ZNF823: variants seen among roughly 807,000 people sequenced by gnomAD.
The protein encoded by ZNF823 is zinc finger protein 823.
A neutral mutation model predicts 11.4 loss-of-function variants in ZNF823; 5 were observed. The ratio of observed to expected loss-of-function variants is 0.44; its 90% confidence interval spans 0.23 to 0.92. The LOEUF (loss-of-function observed/expected upper bound fraction) is 0.92, where lower values mean the gene tolerates loss of function less well. Among genes scored for constraint, ZNF823 ranks in the 40% least tolerant of loss-of-function variants. The pLI is 0.24. For synonymous variants in ZNF823, 234 were observed against 250.5 expected (o/e 0.93, Z 0.62); for missense variants, 582 against 738.5 (o/e 0.79, Z 2.46).
intron 1 of ZNF823, 90 bp downstream of exon 1, chr19:11,738,727 A>G (rs966915487): frequency 2.7e-6 from 4 of 1,471,654 alleles, no homozygotes; most frequent in African/African-American, 1.4e-5. Flanking sequence ...GGAGTCGCCC[A>G]GGGCGAGGCC....
In ZNF823 at chr19:11,721,554, C is replaced by A; in HGVS notation, c.*147G>T. The A allele has an allele frequency of 1.3e-6, 1 of 772,180 alleles. No individual in the cohort carries two copies. Among genetic ancestry groups the A allele is most frequent in the Non-Finnish European group, 2.0e-6 (1 of 494,494 alleles). The allele number at this position is 772,180 out of a possible 1,614,324, so 47.8% of individuals were successfully genotyped here. A position where few individuals can be genotyped will look rare whatever the true frequency, so the allele number is the denominator to read the frequency against. On this transcript the variant is annotated 3_prime_UTR_variant, in exon 4 of 4. Coordinates refer to ENST00000341191, the MANE Select transcript of ZNF823 (RefSeq NM_001080493.4). ...AGAGGGTGCTGGAACCAATCCCCTGCAATATATTGGGGGATAACTGTATTT... is the reference window on the plus strand; with the variant it reads ...AGAGGGTGCTGGAACCAATCCCCTGAAATATATTGGGGGATAACTGTATTT...
At chr19:11,737,099 T>C (rs1407954832) in intron 1 of ZNF823, among the ~76,000 whole-genome samples, 1 of 152,106 alleles carries the variant, frequency 6.6e-6, no homozygotes, top group East Asian at 1.9e-4. Context: ...GCTATGAGCA[T>C]CTTGGAGCAG....
rs552305325 is a variant in ZNF823, at chr19:11,733,503, T to A, written c.3+5314A>T. Among the ~76,000 whole-genome samples, 18 of 151,406 alleles carry A rather than the reference T, an allele frequency of 1.2e-4. 1 individual carries two copies. In the South Asian group the frequency reaches 3.8e-3, roughly 32 times the overall value. ...ATCATCTGAGGTCAGGAGTTCAAGA[T>A]CAGCCTGGGCAACATGGCGAAACTG... On this transcript the variant is annotated intron_variant, in intron 1 of 3. Coordinates refer to ENST00000341191, the MANE Select transcript of ZNF823 (RefSeq NM_001080493.4).
chr19:11,731,443 C>T (rs1057038453), intron 1 of ZNF823, among the ~76,000 whole-genome samples: 2 of 152,150 alleles, frequency 1.3e-5, no homozygotes, highest in African/African-American at 4.8e-5. Flanking sequence ...TACTGAATAA[C>T]AGTCAGTCGG....
intron 1 of ZNF823, among the ~76,000 whole-genome samples, chr19:11,731,944 G>T (rs1487990598): frequency 6.6e-6 from 1 of 150,976 alleles, no homozygotes; most frequent in Non-Finnish European, 1.5e-5. Flanking sequence ...GTGAGGCAGA[G>T]GTTGCGATGA....
intron 2 of ZNF823, among the ~76,000 whole-genome samples, 180 bp downstream of exon 2, chr19:11,725,021 G>A (rs1402289535): frequency 1.3e-5 from 2 of 152,116 alleles, no homozygotes; most frequent in Non-Finnish European, 2.9e-5. Context: ...TGGTTAAGTT[G>A]CGGGGGACAA....
intron 1 of ZNF823, among the ~76,000 whole-genome samples, chr19:11,733,260 A>G (rs1974933992): frequency 6.6e-6 from 1 of 150,584 alleles, no homozygotes; most frequent in Non-Finnish European, 1.5e-5. Flanking sequence ...CCAGCTACTC[A>G]GGAGACTGAG....
chr19:11,729,174 CAAA>C (rs61651737), intron 1 of ZNF823, among the ~76,000 whole-genome samples: 3 of 131,222 alleles, frequency 2.3e-5, no homozygotes. Context: ...GACTCTGTCT[CAAA>C]AAAAAAAAAA....
chr19:11,733,161 G>T (rs556338921), intron 1 of ZNF823, among the ~76,000 whole-genome samples: 1 of 152,066 alleles, frequency 6.6e-6, no homozygotes, highest in African/African-American at 2.4e-5. Flanking sequence ...GAGGTCAAGA[G>T]ATCAAGACCA....
chr19:11,738,672 A>T (rs1975040932), intron 1 of ZNF823, 145 bp downstream of exon 1: 2 of 1,115,018 alleles, frequency 1.8e-6, no homozygotes, highest in Non-Finnish European at 2.4e-6. Flanking sequence ...GGCCCAGGGG[A>T]CCAAGGGCAG....
intron 1 of ZNF823, chr19:11,730,871 G>C (rs530135033): frequency 6.6e-6 from 1 of 152,112 alleles, no homozygotes; most frequent in Admixed American, 6.6e-5. Context: ...CAAAAACAAA[G>C]ATGACATTGT....
chr19:11,732,393 C>T (rs1421731689), intron 1 of ZNF823, among the ~76,000 whole-genome samples: 2 of 151,928 alleles, frequency 1.3e-5, no homozygotes, highest in East Asian at 3.9e-4. Flanking sequence ...TCTCGATCTC[C>T]AGACCTCATG....
intron 2 of ZNF823, among the ~76,000 whole-genome samples, chr19:11,724,496 G>A (rs747795894): frequency 2.0e-5 from 3 of 151,738 alleles, no homozygotes; most frequent in Non-Finnish European, 4.4e-5. Flanking sequence ...AGACAACAAG[G>A]GTGAAAACCT....
At chr19:11,727,892 C>CTTTT (rs60028045) in intron 1 of ZNF823, among the ~76,000 whole-genome samples, 3 of 145,914 alleles carry the variant, frequency 2.1e-5, no homozygotes, top group African/African-American at 7.5e-5. Flanking sequence ...TTCTTTCTTT[C>CTTTT]TTTTTTTTTT....
intron 2 of ZNF823, among the ~76,000 whole-genome samples, chr19:11,724,519 A>C (rs2145205640): frequency 6.7e-6 from 1 of 150,214 alleles, no homozygotes; most frequent in South Asian, 2.1e-4. Flanking sequence ...ATGAAGATCT[A>C]CTTCCACTTA....
rs780356720 is a variant in ZNF823 at position 11,722,192 on chromosome 19, A to G, written c.1342T>C (p.Cys448Arg). 1 of 1,613,914 alleles carries G rather than the reference A, an allele frequency of 6.2e-7. No homozygotes were observed. Among genetic ancestry groups the G allele is most frequent in the South Asian group, 1.1e-5 (1 of 91,070 alleles). ...GAGAGATCACTAAAGGCTTTCCCACACTGACATTTATAGGGTTTCACTCCA... is the reference window on the plus strand; with the variant it reads ...GAGAGATCACTAAAGGCTTTCCCACGCTGACATTTATAGGGTTTCACTCCA... ...HTGVKPYKCQ[C>R]GKAFSDLSSF... is the part of the protein sequence containing the mutation. Residue 448 changes from cysteine to arginine, a missense_variant, in exon 4 of 4, where the codon TGT becomes CGT. This residue lies in a region of ZNF823 where 429 missense variants were observed against 553.7 expected (regional missense o/e 0.77). Coordinates refer to ENST00000341191, the MANE Select transcript of ZNF823 (RefSeq NM_001080493.4). This position sits in a 1 kb window ranked among gnomAD's most constrained non-coding sequence, Gnocchi z 5.2.
At chr19:11,724,333 A>G (rs1293144416) in intron 2 of ZNF823, 79 bp from the exon 3 acceptor site, 8 of 1,272,898 alleles carry the variant, frequency 6.3e-6, no homozygotes, top group Non-Finnish European at 4.3e-6. Flanking sequence ...GCGTACTGCA[A>G]TCATGCATGA....
At chr19:11,726,602 T>G (rs1041793478) in intron 1 of ZNF823, among the ~76,000 whole-genome samples, 2 of 152,114 alleles carry the variant, frequency 1.3e-5, no homozygotes, top group Non-Finnish European at 2.9e-5. Context: ...GAATTAACAC[T>G]GGGCCCCTGG....
At chr19:11,724,333 AT>A in intron 2 of ZNF823, 79 bp from the exon 3 acceptor site, 1 of 1,273,018 alleles carries the variant, frequency 7.9e-7, no homozygotes, top group Non-Finnish European at 1.1e-6. Flanking sequence ...GCGTACTGCA[AT>A]CATGCATGAT....
Sources: gnomAD v4.1 joint callset for allele counts (sites outside exome capture counted in the v4.1 genomes callset) on GRCh38, gnomAD v4.1.1 for gene constraint, gnomAD v4.1.1 regional missense constraint, Gnocchi (gnomAD v3.1) non-coding constraint, MANE v1.5 for transcripts, NCBI Gene and HGNC (gene_info 2026-07-23, HGNC 2026-07-21) for gene names.